ZCCHC2: variants seen among roughly 807,000 people sequenced by gnomAD.
ZCCHC2 encodes the protein zinc finger CCHC domain-containing protein 2.
In ZCCHC2, 39 loss-of-function variants were observed where a neutral mutation model predicts 103.6. The ratio of observed to expected loss-of-function variants is 0.38; its 90% CI spans 0.29 to 0.49. ZCCHC2 has a LOEUF of 0.49. ZCCHC2 is among the 20% of genes least tolerant of loss of function. The probability of loss-of-function intolerance (pLI) is 0.96; values close to 1 mark genes in which losing one functional copy is unlikely to be tolerated. For synonymous variants in ZCCHC2, 687 were observed against 608.9 expected (o/e 1.13, Z -1.89); for missense variants, 1,483 against 1,491.0 (o/e 0.99, Z 0.09).
At chr18:62,545,650 A>G (rs958414346) in intron 4 of ZCCHC2, among the ~76,000 whole-genome samples, 3 of 152,230 alleles carry the variant, frequency 2.0e-5, no homozygotes, top group Non-Finnish European at 4.4e-5. Context: ...TGGTTGATAA[A>G]TTATTCTTTC....
In ZCCHC2 at chr18:62,523,678, G is replaced by T. The variant is rs1361370231; in HGVS notation, c.254G>T (p.Gly85Val). 16 of 1,377,080 alleles carry T rather than the reference G, an allele frequency of 1.2e-5. No homozygotes were observed. The African/African-American group carries it at 2.4e-4, about 21-fold the overall frequency. 85.3% of individuals were successfully genotyped at this position (1,377,080 alleles called of 1,614,324 possible). ...GCGGGGGCGGGTATGCCGGGCGGCG[G>T]CGGGGGGCCCTCGGCGGCGCTGCGC... ...AAAGAGMPGG[G>V]GGPSAALREQ... Residue 85 changes from glycine to valine, a missense_variant, in exon 1 of 14, where the codon GGC becomes GTC. Gly to Val is a moderately radical substitution (Grantham distance 109, BLOSUM62 -3). Coordinates refer to ENST00000269499, the MANE Select transcript of ZCCHC2 (RefSeq NM_017742.6).
chr18:62,550,820 G>A (rs985088782), intron 5 of ZCCHC2, among the ~76,000 whole-genome samples: 6 of 152,226 alleles, frequency 3.9e-5, no homozygotes, highest in African/African-American at 1.2e-4. Flanking sequence ...TGGGCTGGTG[G>A]GTGGGAGAGT....
At chr18:62,545,156 C>T (rs949867266) in intron 4 of ZCCHC2, among the ~76,000 whole-genome samples, 7 of 151,708 alleles carry the variant, frequency 4.6e-5, no homozygotes, top group Non-Finnish European at 7.4e-5. Flanking sequence ...GAGGCCAAGG[C>T]GGGAGGATCA....
At chr18:62,527,231 G>A (rs188340869) in intron 1 of ZCCHC2, among the ~76,000 whole-genome samples, 2 of 152,068 alleles carry the variant, frequency 1.3e-5, no homozygotes, top group South Asian at 2.1e-4. Flanking sequence ...GCTCTCACAG[G>A]ACTTCCTTGT....
chr18:62,544,822 A>C lies in ZCCHC2; in HGVS notation c.1149A>C (p.Ser383=). The C allele has an allele frequency of 6.5e-7, 1 of 1,548,808 alleles. No individual in the cohort carries two copies. The highest frequency in any genetic ancestry group is 8.7e-7 in the Non-Finnish European group (1 of 1,148,498). Residue 383 remains serine, a synonymous_variant, in exon 4 of 14, where the codon TCA becomes TCC. Transcript: ENST00000269499. ...ATCAGGTAAATTGGTCTGATCTTTC[A>C]GTCACAACAGTAACAAAAACCCACC... ...YTFKVNWSDL[S]VTTVTKTHQE...
rs961404332 is a variant in ZCCHC2 at position 62,523,730 on chromosome 18, C to T, written c.306C>T (p.Phe102=). 98 of 1,522,538 alleles carry T rather than the reference C, an allele frequency of 6.4e-5. No individual in the cohort carries two copies. The highest frequency in any genetic ancestry group is 8.0e-5 in the Non-Finnish European group (91 of 1,142,396). 94.3% of individuals were successfully genotyped at this position (1,522,538 alleles called of 1,614,324 possible). A position where few individuals can be genotyped will look rare whatever the true frequency, so the allele number is the denominator to read the frequency against. Residue 102 remains phenylalanine (F), a synonymous_variant, in exon 1 of 14, where the codon TTC becomes TTT. Transcript: ENST00000269499. Reference sequence around the variant, plus strand: ...AGCAGGAGCGGGTATACGAGTGGTTCGGGCTGGTGCTGGGCTCGGCGCAGC... The same window carrying T: ...AGCAGGAGCGGGTATACGAGTGGTTTGGGCTGGTGCTGGGCTCGGCGCAGC... ...LREQERVYEW[F]GLVLGSAQRL... is the part of the protein sequence containing the mutation.
chr18:62,542,040 T>C (rs1163012902), intron 2 of ZCCHC2, among the ~76,000 whole-genome samples: 1 of 152,202 alleles, frequency 6.6e-6, no homozygotes, highest in Non-Finnish European at 1.5e-5. Context: ...TGAGTAGTTT[T>C]TTAAAAAAAT....
At position 62,524,074 on chromosome 18, in the gene ZCCHC2, C is replaced by G. The variant is rs1334538288; in HGVS notation, c.650C>G (p.Ala217Gly). 11 of 1,500,910 alleles carry G rather than the reference C, an allele frequency of 7.3e-6. No homozygotes were observed. The East Asian group carries it at 2.4e-4, about 33-fold the overall frequency. The allele number at this position is 1,500,910 out of a possible 1,614,324, so 93.0% of individuals were successfully genotyped here. A position where few individuals can be genotyped will look rare whatever the true frequency, so the allele number is the denominator to read the frequency against. ...CGGGGCGAGGGCTCGCGGGGCGGCG[C>G]GGAGGACGAGCGCGGCGAGGACGGC... ...AARGEGSRGG[A>G]EDERGEDGDG... The change falls in exon 1 of 14, where the codon GCG becomes GGG. Residue 217 changes from alanine to glycine, a missense_variant. Physicochemically the swap from Ala to Gly is moderately conservative, Grantham distance 60 (BLOSUM62 0). Around this residue, in one of 3 missense-constraint regions of ZCCHC2, gnomAD observed 568 missense variants for 525.1 expected, o/e 1.08. Coordinates refer to ENST00000269499, the MANE Select transcript of ZCCHC2 (RefSeq NM_017742.6).
At chr18:62,526,466 G>A (rs987666088) in intron 1 of ZCCHC2, 3 of 152,406 alleles carry the variant, frequency 2.0e-5, no homozygotes, top group African/African-American at 7.2e-5. Flanking sequence ...TGCGTAGAGT[G>A]ACCTCCGAGT....
Position 62,523,242 on chromosome 18 carries a change from A to G in ZCCHC2, c.-183A>G. 2 of 362,420 alleles carry G rather than the reference A, an allele frequency of 5.5e-6. No individual in the cohort carries two copies. The highest frequency in any genetic ancestry group is 7.6e-6 in the Non-Finnish European group (2 of 261,664). 22.5% of individuals were successfully genotyped at this position (362,420 alleles called of 1,614,324 possible). A position where few individuals can be genotyped will look rare whatever the true frequency, so the allele number is the denominator to read the frequency against. On this transcript the variant is annotated 5_prime_UTR_variant, in exon 1 of 14. Transcript: ENST00000269499. ...GCCCCCAGCCCGGGAAGACGACGCC[A>G]GCGACCCCGCCGGCCGGCCACCGCC...
chr18:62,574,013 G>C (rs1916696380), intron 12 of ZCCHC2, 44 bp from the exon 13 acceptor site: 8 of 1,548,710 alleles, frequency 5.2e-6, no homozygotes, highest in Non-Finnish European at 7.0e-6. Flanking sequence ...AGAAAGATGG[G>C]AGTTATGCCC....
chr18:62,533,872 CA>C (rs35039729), intron 1 of ZCCHC2, among the ~76,000 whole-genome samples: 2,908 of 99,502 alleles, frequency 0.029, 48 homozygotes, highest in Middle Eastern at 0.074. Flanking sequence ...AACTCTGCCT[CA>C]AAAAAAAAAA....
At position 62,578,057 on chromosome 18, in the gene ZCCHC2, CAA is replaced by C. The variant is rs974620902; in HGVS notation, c.*1479_*1480del. 15 of 150,972 alleles carry C rather than the reference CAA, an allele frequency of 9.9e-5. No homozygotes were observed. The highest frequency in any genetic ancestry group is 2.7e-4 in the African/African-American group (11 of 40,926). 9.4% of individuals were successfully genotyped at this position (150,972 alleles called of 1,614,324 possible). A position where few individuals can be genotyped will look rare whatever the true frequency, so the allele number is the denominator to read the frequency against. On this transcript the variant is annotated 3_prime_UTR_variant, in exon 14 of 14. Coordinates refer to ENST00000269499, the MANE Select transcript of ZCCHC2 (RefSeq NM_017742.6). ...TTCAGAAGCCTAACAGATTGCTAGA[CAA>C]GAGAAAAAACTTGAAGAAAAAAGAA...
At chr18:62,565,543 T>A (rs1916327009) in intron 11 of ZCCHC2, among the ~76,000 whole-genome samples, 1 of 152,194 alleles carries the variant, frequency 6.6e-6, no homozygotes, top group Non-Finnish European at 1.5e-5. Flanking sequence ...TTTAGGGGAA[T>A]GTCAACCCTC....
Position 62,575,503 on chromosome 18 carries a change from A to G in ZCCHC2, c.3422A>G (p.His1141Arg). ...TGTTACAATTGTGGTGTAAGCGGAC[A>G]CTATGCACAGGACTGTAAGCAGTCG... is the stretch of plus-strand genomic sequence containing the variant. The part of the protein sequence containing the change: ...VSCYNCGVSG[H>R]YAQDCKQSSM... Residue 1141 changes from histidine (H) to arginine (R), a missense_variant, in exon 13 of 14, where the codon CAC becomes CGC. His to Arg is a conservative substitution (Grantham distance 29, BLOSUM62 0). Around this residue, in one of 3 missense-constraint regions of ZCCHC2, gnomAD observed 884 missense variants for 907.5 expected, o/e 0.97. Coordinates refer to ENST00000269499, the MANE Select transcript of ZCCHC2 (RefSeq NM_017742.6). 1.2e-6 allele frequency: 2 copies of G among 1,614,062 alleles called. No homozygotes were observed. The highest frequency in any genetic ancestry group is 1.7e-6 in the Non-Finnish European group (2 of 1,179,902).
At chr18:62,539,882 C>T (rs968788391) in intron 2 of ZCCHC2, 90 bp downstream of exon 2, 1 of 1,075,898 alleles carries the variant, frequency 9.3e-7, no homozygotes, top group African/African-American at 1.6e-5. Flanking sequence ...ACTTTTTACT[C>T]TCCTTTTTGA....
Position 62,566,196 on chromosome 18 carries a change from G to A in ZCCHC2, c.1846+1100G>A, listed in dbSNP as rs532657381. On this transcript the variant is annotated intron_variant, in intron 11 of 13. Coordinates refer to ENST00000269499, the MANE Select transcript of ZCCHC2 (RefSeq NM_017742.6). ...GGAGGCAGAGGTTGCAATGAGCCAC[G>A]ACTGCGCCATTGCACTCCAGCCTGG... 1.2e-4 allele frequency among the ~76,000 whole-genome samples: 19 copies of A among 152,310 alleles called. No individual in the cohort carries two copies. In the South Asian group the frequency reaches 3.1e-3, roughly 25 times the overall value.
chr18:62,539,771 C>T lies in ZCCHC2; in HGVS notation c.1030C>T (p.Pro344Ser). The change falls in exon 2 of 14, where the codon CCT becomes TCT. Residue 344 changes from proline (P) to serine (S), a missense_variant. Physicochemically the swap from Pro to Ser is moderately conservative, Grantham distance 74. Coordinates refer to ENST00000269499, the MANE Select transcript of ZCCHC2 (RefSeq NM_017742.6). ...ACCTCAGGACGGACTTACCGTGGCACCTCACAGAGCTCAGCGAGAAGGTAT... is the reference window on the plus strand; with the variant it reads ...ACCTCAGGACGGACTTACCGTGGCATCTCACAGAGCTCAGCGAGAAGGTAT... ...PIPQDGLTVA[P>S]HRAQREAVHI... 1.2e-6 allele frequency: 2 copies of T among 1,607,932 alleles called. No individual in the cohort carries two copies. The highest frequency in any genetic ancestry group is 1.7e-6 in the Non-Finnish European group (2 of 1,177,088).
At chr18:62,548,510 T>C (rs1451257805) in intron 4 of ZCCHC2, among the ~76,000 whole-genome samples, 1 of 152,256 alleles carries the variant, frequency 6.6e-6, no homozygotes, top group Admixed American at 6.5e-5. Flanking sequence ...TTTGGCTGTG[T>C]ACAGATATTC....
Sources: allele counts gnomAD v4.1 joint callset (sites outside exome capture counted in the v4.1 genomes callset), GRCh38; gene constraint gnomAD v4.1.1; regional missense constraint gnomAD v4.1.1; transcripts MANE v1.5; gene names NCBI Gene and HGNC (gene_info 2026-07-23, HGNC 2026-07-21).